ECRG4: variants seen among roughly 807,000 people sequenced by gnomAD.
ECRG4 encodes augurin.
ECRG4 carries 18 observed loss-of-function variants against 15.8 expected under a neutral mutation model. The ratio of observed to expected loss-of-function variants is 1.14; its 90% confidence interval spans 0.79 to 1.69. The LOEUF is 1.69. Ranked by LOEUF, ECRG4 falls within the 40% of genes most tolerant of loss-of-function variation. ECRG4 has a pLI of 0.00. For missense variants in ECRG4, 200 were observed against 190.9 expected (o/e 1.05, Z -0.28); for synonymous variants, 82 against 73.9 (o/e 1.11, Z -0.56).
At chr2:106,066,842 G>A (rs1361023578) in intron 1 of ECRG4, among the ~76,000 whole-genome samples, 1 of 152,120 alleles carries the variant, frequency 6.6e-6, no homozygotes, top group Non-Finnish European at 1.5e-5. Context: ...AGGAGCCCTG[G>A]GATGGAGCCC....
upstream of ECRG4, chr2:106,065,521 G>T: frequency 2.8e-6 from 1 of 362,724 alleles, no homozygotes; most frequent in East Asian, 4.3e-5. Flanking sequence ...TGGAGCCCAG[G>T]GGCTGCGTTC....
chr2:106,074,166 C>A, intron 3 of ECRG4, 123 bp downstream of exon 3: 1 of 1,093,530 alleles, frequency 9.1e-7, no homozygotes, highest in East Asian at 2.5e-5. Flanking sequence ...AGTAAGAGCC[C>A]CATCATATGC....
intron 1 of ECRG4, among the ~76,000 whole-genome samples, chr2:106,069,763 C>T (rs1323299058): frequency 6.6e-6 from 1 of 152,208 alleles, no homozygotes; most frequent in Admixed American, 6.5e-5. Context: ...CTATGACCTT[C>T]TTCAAGTGAG....
At chr2:106,070,626 AT>A (rs1043561875) in intron 1 of ECRG4, among the ~76,000 whole-genome samples, 3 of 152,072 alleles carry the variant, frequency 2.0e-5, no homozygotes, top group East Asian at 1.9e-4. Context: ...TAAAACATTT[AT>A]TTTTTCCCCC....
chr2:106,065,277 A>G (rs1676183107), upstream of ECRG4, among the ~76,000 whole-genome samples: 1 of 152,016 alleles, frequency 6.6e-6, no homozygotes, highest in African/African-American at 2.4e-5. Flanking sequence ...TAAGGGGAAC[A>G]GTGGCGCGGC....
upstream of ECRG4, among the ~76,000 whole-genome samples, chr2:106,064,698 G>C (rs1364976639): frequency 1.3e-5 from 2 of 152,148 alleles, no homozygotes; most frequent in East Asian, 3.9e-4. Context: ...AAATAAGTGA[G>C]AACCTTGGTG....
intron 1 of ECRG4, among the ~76,000 whole-genome samples, chr2:106,070,531 T>A (rs911621460): frequency 1.3e-5 from 2 of 152,234 alleles, no homozygotes; most frequent in Non-Finnish European, 2.9e-5. Context: ...CAGCCTCAGG[T>A]GAGGCAGCCA....
intron 3 of ECRG4, chr2:106,074,300 G>C (rs1573363494): frequency 2.4e-6 from 1 of 409,622 alleles, no homozygotes; most frequent in Non-Finnish European, 4.4e-6. Context: ...CGGGGACCTA[G>C]ATTCATCGAG....
chr2:106,064,511 C>T (rs1676161220), upstream of ECRG4: 2 of 152,262 alleles, frequency 1.3e-5, no homozygotes, highest in South Asian at 4.1e-4. Flanking sequence ...AATCCCTTCT[C>T]TACTAAAAAT....
At chr2:106,074,654 C>T (rs376461242) in intron 3 of ECRG4, among the ~76,000 whole-genome samples, 16 of 152,314 alleles carry the variant, frequency 1.1e-4, no homozygotes, top group Middle Eastern at 3.4e-3. Flanking sequence ...GGAGGTGAGA[C>T]GGCAGCCCAT....
At chr2:106,071,044 CTT>C (rs1558656603) in intron 1 of ECRG4, 2 of 470,778 alleles carry the variant, frequency 4.2e-6, no homozygotes, top group Non-Finnish European at 8.8e-6. Flanking sequence ...ATCAGAAACA[CTT>C]TTAAAAGTGA....
In ECRG4 at chr2:106,077,843, C is replaced by T; in HGVS notation, c.364C>T (p.His122Tyr). 6.2e-7 allele frequency: 1 copy of T among 1,614,130 alleles called. No homozygotes were observed. Among genetic ancestry groups the T allele is most frequent in the Non-Finnish European group, 8.5e-7 (1 of 1,179,996 alleles). ...ATACTATGGCGATTACTACCAACGTCACTATGATGAAGACTCTGCAATTGG... is the reference window on the plus strand; with the variant it reads ...ATACTATGGCGATTACTACCAACGTTACTATGATGAAGACTCTGCAATTGG... ...HEYYGDYYQR[H>Y]YDEDSAIGPR... The change falls in exon 4 of 4, where the codon CAC (histidine) becomes TAC (tyrosine). Residue 122 changes from histidine (H) to tyrosine (Y), a missense_variant. By Grantham distance (83) the His-to-Tyr change is moderately conservative. Coordinates refer to ENST00000238044, the MANE Select transcript of ECRG4 (RefSeq NM_032411.3).
At chr2:106,071,628 C>A (rs1381278869) in intron 1 of ECRG4, among the ~76,000 whole-genome samples, 1 of 152,198 alleles carries the variant, frequency 6.6e-6, no homozygotes, top group South Asian at 2.1e-4. Context: ...TACCCTTGGT[C>A]GGCTGTGGTC....
chr2:106,070,823 AAGAACCCTGCTG>A (rs1032324015), intron 1 of ECRG4: 63 of 446,484 alleles, frequency 1.4e-4, no homozygotes, highest in African/African-American at 1.2e-3. Context: ...AGGAGAGGCT[AAGAACCCTGCTG>A]AGAAAGTGGT....
intron 2 of ECRG4, among the ~76,000 whole-genome samples, chr2:106,072,552 T>C (rs1446733066): frequency 6.6e-6 from 1 of 152,256 alleles, no homozygotes; most frequent in African/African-American, 2.4e-5. Context: ...ACTTCTGATG[T>C]GACCATTTAG....
chr2:106,072,477 C>A, intron 2 of ECRG4: 1 of 152,334 alleles, frequency 6.6e-6, no homozygotes. Context: ...GTCATTTTCC[C>A]TCTCCCAACT....
At chr2:106,067,837 CTT>C (rs34289824) in intron 1 of ECRG4, among the ~76,000 whole-genome samples, 17 of 141,796 alleles carry the variant, frequency 1.2e-4, no homozygotes, top group Non-Finnish European at 1.1e-4. Context: ...CACCTCCAAA[CTT>C]TTTTTTTTTT....
At chr2:106,068,799 T>C (rs572643955) in intron 1 of ECRG4, among the ~76,000 whole-genome samples, 2 of 152,338 alleles carry the variant, frequency 1.3e-5, no homozygotes, top group African/African-American at 4.8e-5. Context: ...TTGGCAAATA[T>C]TTTCATAGAT....
chr2:106,068,881 A>G (rs1676279898), intron 1 of ECRG4, among the ~76,000 whole-genome samples: 1 of 152,232 alleles, frequency 6.6e-6, no homozygotes, highest in Non-Finnish European at 1.5e-5. Flanking sequence ...CTAATTAGAA[A>G]ATCCCCTCTA....
Sources: allele counts gnomAD v4.1 joint callset (sites outside exome capture counted in the v4.1 genomes callset), GRCh38; gene constraint gnomAD v4.1.1; transcripts MANE v1.5; gene names NCBI Gene and HGNC (gene_info 2026-07-23, HGNC 2026-07-21).